Variants in MACROD2 observed in about 807,000 individuals in gnomAD.
MACROD2 encodes mono-ADP ribosylhydrolase 2.
Under a neutral mutation model 70.4 loss-of-function variants are expected in MACROD2, and 36 were observed. The observed-to-expected ratio is 0.51, with a 90% confidence interval of 0.39 to 0.68. The LOEUF (loss-of-function observed/expected upper bound fraction) is 0.68, where lower values mean the gene tolerates loss of function less well. MACROD2 is among the 30% of genes least tolerant of loss of function. The pLI is 0.00. For missense variants in MACROD2, 496 were observed against 538.4 expected, an observed-to-expected ratio of 0.92 and a Z score of 0.78; for synonymous variants, 172 against 178.8, an observed-to-expected ratio of 0.96 and a Z score of 0.30.
intron 5 of MACROD2, among the ~76,000 whole-genome samples, chr20:14,775,518 A>T (rs1365062490): frequency 2.0e-5 from 3 of 151,962 alleles, no homozygotes; most frequent in Non-Finnish European, 4.4e-5. Context: ...TCCCACGTGA[A>T]CTAGCACAGC....
At chr20:14,819,162 A>T (rs1462316581) in intron 5 of MACROD2, among the ~76,000 whole-genome samples, 1 of 151,854 alleles carries the variant, frequency 6.6e-6, no homozygotes, top group Non-Finnish European at 1.5e-5. Flanking sequence ...GCTACTTGGG[A>T]AGCTGAAGCA....
chr20:15,093,691 A>G (rs2075808584), intron 5 of MACROD2, among the ~76,000 whole-genome samples: 1 of 152,198 alleles, frequency 6.6e-6, no homozygotes, highest in South Asian at 2.1e-4. Context: ...AACCTTTAAT[A>G]TTCATTCTAA....
intron 3 of MACROD2, among the ~76,000 whole-genome samples, chr20:14,350,291 T>C (rs974076281): frequency 6.6e-6 from 1 of 152,108 alleles, no homozygotes; most frequent in African/African-American, 2.4e-5. Flanking sequence ...TTTAGTTTTT[T>C]GAGGAACCTC....
chr20:14,925,711 C>T (rs2074222304), intron 5 of MACROD2, among the ~76,000 whole-genome samples: 2 of 152,184 alleles, frequency 1.3e-5, no homozygotes, highest in African/African-American at 4.8e-5. Flanking sequence ...CTTCCTTCTC[C>T]ACAGAGTATG....
chr20:14,899,313 C>A (rs2073868311), intron 5 of MACROD2, among the ~76,000 whole-genome samples: 1 of 152,174 alleles, frequency 6.6e-6, no homozygotes, highest in Admixed American at 6.5e-5. Context: ...CATAACAAAG[C>A]ACCACACACT....
chr20:15,909,311 T>G (rs2065197373), intron 10 of MACROD2, among the ~76,000 whole-genome samples: 1 of 152,134 alleles, frequency 6.6e-6, no homozygotes, highest in African/African-American at 2.4e-5. Flanking sequence ...TGTTATTCAG[T>G]GTTATTTTTA....
chr20:15,857,758 GA>G (rs1324053703), intron 8 of MACROD2, among the ~76,000 whole-genome samples: 2 of 152,004 alleles, frequency 1.3e-5, no homozygotes, highest in East Asian at 3.8e-4. Context: ...AAGAAAGAAA[GA>G]AAAAAACTAT....
intron 8 of MACROD2, among the ~76,000 whole-genome samples, chr20:15,634,077 A>G (rs1421914603): frequency 6.6e-6 from 1 of 152,172 alleles, no homozygotes; most frequent in Non-Finnish European, 1.5e-5. Flanking sequence ...TCATTAGTCA[A>G]TTGTTTTTCA....
intron 3 of MACROD2, among the ~76,000 whole-genome samples, chr20:14,462,824 T>C (rs1367288211): frequency 1.3e-5 from 2 of 152,108 alleles, no homozygotes; most frequent in Non-Finnish European, 2.9e-5. Flanking sequence ...TTGTTAGGTT[T>C]GTCAAAGATC....
chr20:14,044,957 C>T (rs953591182), intron 2 of MACROD2, among the ~76,000 whole-genome samples: 1 of 152,236 alleles, frequency 6.6e-6, no homozygotes, highest in Non-Finnish European at 1.5e-5. Context: ...GGCTGCAGGT[C>T]CCAAGCCCTG....
intron 6 of MACROD2, among the ~76,000 whole-genome samples, chr20:15,268,291 T>C (rs776346188): frequency 4.6e-5 from 7 of 152,230 alleles, no homozygotes; most frequent in Non-Finnish European, 7.3e-5. Context: ...TTGAGACTTA[T>C]GATCTTGTTG....
At chr20:14,276,488 G>C (rs1258891275) in intron 3 of MACROD2, among the ~76,000 whole-genome samples, 1 of 87,162 alleles carries the variant, frequency 1.1e-5, no homozygotes. Context: ...GGGGTGGGGG[G>C]AGGGGGGAGG....
At chr20:14,152,959 C>T (rs764313912) in intron 3 of MACROD2, among the ~76,000 whole-genome samples, 2 of 152,114 alleles carry the variant, frequency 1.3e-5, no homozygotes, top group Non-Finnish European at 2.9e-5. Flanking sequence ...GTTAACCAAA[C>T]AACTAAATTT....
At chr20:14,549,084 C>T (rs1978476418) in intron 4 of MACROD2, among the ~76,000 whole-genome samples, 1 of 152,172 alleles carries the variant, frequency 6.6e-6, no homozygotes, top group African/African-American at 2.4e-5. Flanking sequence ...ATACCAACAG[C>T]ACTGAATGGT....
At chr20:15,685,559 A>G (rs184082104) in intron 8 of MACROD2, among the ~76,000 whole-genome samples, 2 of 152,312 alleles carry the variant, frequency 1.3e-5, no homozygotes, top group Non-Finnish European at 2.9e-5. Flanking sequence ...AAGAACCTAG[A>G]TTGAATCTAG....
At position 13,995,949 on chromosome 20, in the gene MACROD2, C is replaced by A; in HGVS notation, c.46+140C>A. ...GGCCGGTGCCGCCTCCCTCCGGTGT[C>A]CGTGTGTACACACGCGCACACTCGC... On this transcript the variant is annotated intron_variant, in intron 1 of 17. Coordinates refer to ENST00000684519, the MANE Select transcript of MACROD2 (RefSeq NM_001351661.2). The surrounding 1 kb of genome is among the most constrained non-coding windows in gnomAD (Gnocchi z 4.3). The A allele has an allele frequency of 1.0e-6, 1 of 984,388 alleles. No homozygotes were observed. The highest frequency in any genetic ancestry group is 1.5e-6 in the Non-Finnish European group (1 of 651,274). 61.0% of individuals were successfully genotyped at this position (984,388 alleles called of 1,614,324 possible). A position where few individuals can be genotyped will look rare whatever the true frequency, so the allele number is the denominator to read the frequency against.
intron 5 of MACROD2, among the ~76,000 whole-genome samples, chr20:15,148,453 CT>C (rs2076246245): frequency 6.6e-6 from 1 of 152,056 alleles, no homozygotes; most frequent in African/African-American, 2.4e-5. Context: ...TATTTATTTA[CT>C]TTAAGAGTTA....
intron 3 of MACROD2, among the ~76,000 whole-genome samples, chr20:14,228,899 C>T (rs193175678): frequency 6.7e-6 from 1 of 149,858 alleles, no homozygotes; most frequent in Non-Finnish European, 1.5e-5. Context: ...CCCAGCTACT[C>T]AGGAGGTTGA....
chr20:15,435,974 C>T (rs2046422699), intron 7 of MACROD2, among the ~76,000 whole-genome samples: 1 of 152,054 alleles, frequency 6.6e-6, no homozygotes, highest in African/African-American at 2.4e-5. Context: ...TCTCTTTCTC[C>T]TCTGTTTTTT....
Sources: allele counts gnomAD v4.1 joint callset (sites outside exome capture counted in the v4.1 genomes callset), GRCh38; gene constraint gnomAD v4.1.1; non-coding constraint Gnocchi (gnomAD v3.1); transcripts MANE v1.5; gene names NCBI Gene and HGNC (gene_info 2026-07-23, HGNC 2026-07-21).